Variants in SUGCT observed in about 807,000 individuals in gnomAD.
The protein encoded by SUGCT is succinyl-CoA:glutarate CoA-transferase.
Under a neutral mutation model 55.0 loss-of-function variants are expected in SUGCT, and 41 were observed. That is an observed-to-expected ratio of 0.74 (90% CI 0.58 to 0.97). The LOEUF is 0.97. Ranked by LOEUF, SUGCT falls within the 50% of genes least tolerant of loss-of-function variation. The probability of loss-of-function intolerance (pLI) is 0.00; values close to 1 mark genes in which losing one functional copy is unlikely to be tolerated. For missense variants in SUGCT, 568 were observed against 547.8 expected (o/e 1.04, Z -0.37); for synonymous variants, 187 against 200.4 (o/e 0.93, Z 0.56).
At chr7:40,163,026 G>A (rs1346925320) in intron 1 of SUGCT, among the ~76,000 whole-genome samples, 4 of 152,174 alleles carry the variant, frequency 2.6e-5, no homozygotes, top group African/African-American at 9.7e-5. Context: ...TACACTATTT[G>A]AAATTTGTGG....
At chr7:40,599,725 AC>A (rs1276995570) in intron 12 of SUGCT, among the ~76,000 whole-genome samples, 1 of 152,134 alleles carries the variant, frequency 6.6e-6, no homozygotes, top group African/African-American at 2.4e-5. Context: ...CTTTCTACCC[AC>A]TGGTGTAACT....
chr7:40,587,891 T>G (rs1188303093), intron 12 of SUGCT, among the ~76,000 whole-genome samples: 2 of 151,538 alleles, frequency 1.3e-5, no homozygotes, highest in African/African-American at 4.9e-5. Flanking sequence ...TTTCTTTTTC[T>G]TCTTTCTTTC....
In SUGCT at chr7:40,616,023, A is replaced by G. The variant is rs147007880; in HGVS notation, c.1089+119637A>G. Among the ~76,000 whole-genome samples, 726 of 152,302 alleles carry G rather than the reference A, an allele frequency of 4.8e-3. 5 individuals carry two copies. The highest frequency in any genetic ancestry group is 6.6e-3 in the Non-Finnish European group (449 of 68,026). On this transcript the variant is annotated intron_variant, in intron 12 of 13. Transcript: ENST00000335693. Reference sequence around the variant, plus strand: ...TGTTTCTTTTCCCTCAGAGGTCTCTATATTTTTTATTTCAGGATCACTACC... The same window carrying G: ...TGTTTCTTTTCCCTCAGAGGTCTCTGTATTTTTTATTTCAGGATCACTACC...
At chr7:40,962,374 C>T in the SUGCT span, among the ~76,000 whole-genome samples, 1 of 152,020 alleles carries the variant, frequency 6.6e-6, no homozygotes, top group Non-Finnish European at 1.5e-5. Context: ...AAAAGTTCTC[C>T]AAGTCCCCAC....
chr7:40,728,334 C>T (rs1480241868), intron 12 of SUGCT, among the ~76,000 whole-genome samples: 1 of 152,124 alleles, frequency 6.6e-6, no homozygotes, highest in Non-Finnish European at 1.5e-5. Flanking sequence ...GCCTGGCCAA[C>T]ATGGCGAAAC....
chr7:40,263,211 G>A (rs920414600), intron 7 of SUGCT, among the ~76,000 whole-genome samples: 1 of 152,200 alleles, frequency 6.6e-6, no homozygotes, highest in African/African-American at 2.4e-5. Flanking sequence ...CATGAGCCAC[G>A]GTGCCCAGCC....
At position 40,843,722 on chromosome 7, in the gene SUGCT, G is replaced by A. The variant is rs139472167; in HGVS notation, c.1154-16594G>A. 8.3e-4 allele frequency among the ~76,000 whole-genome samples: 127 copies of A among 152,218 alleles called. 2 individuals carry two copies. The highest frequency in any genetic ancestry group is 1.0e-3 in the Admixed American group (16 of 15,294). On this transcript the variant is annotated intron_variant, in intron 13 of 13. Coordinates refer to ENST00000335693, the MANE Select transcript of SUGCT (RefSeq NM_001193313.2). ...AGCCAGAGGGAGCAGTGCAAGAGAGGAAGGCACAGGGTGGCTTGGTGGGAA... is the reference window on the plus strand; with the variant it reads ...AGCCAGAGGGAGCAGTGCAAGAGAGAAAGGCACAGGGTGGCTTGGTGGGAA...
chr7:40,545,461 T>C (rs1794938633), intron 12 of SUGCT, among the ~76,000 whole-genome samples: 2 of 152,164 alleles, frequency 1.3e-5, no homozygotes, highest in South Asian at 4.1e-4. Context: ...GCATTTTTCC[T>C]GGAGTTGACG....
At chr7:40,803,934 A>T (rs554128770) in intron 13 of SUGCT, among the ~76,000 whole-genome samples, 1 of 152,316 alleles carries the variant, frequency 6.6e-6, no homozygotes, top group South Asian at 2.1e-4. Context: ...GAAACGATTT[A>T]TATTACTTTT....
intron 9 of SUGCT, among the ~76,000 whole-genome samples, chr7:40,380,261 G>A (rs954193036): frequency 2.0e-5 from 3 of 152,024 alleles, no homozygotes; most frequent in Non-Finnish European, 4.4e-5. Flanking sequence ...ATGGGAATAG[G>A]GCAAGTTAAA....
intron 12 of SUGCT, among the ~76,000 whole-genome samples, chr7:40,521,785 G>A (rs1014026646): frequency 4.6e-5 from 7 of 152,016 alleles, no homozygotes; most frequent in African/African-American, 1.7e-4. Flanking sequence ...CTGGGATTTT[G>A]TGTCTACTCA....
At chr7:40,542,063 A>G (rs969284531) in intron 12 of SUGCT, among the ~76,000 whole-genome samples, 1 of 152,190 alleles carries the variant, frequency 6.6e-6, no homozygotes, top group Admixed American at 6.5e-5. Context: ...GCAAGGGGCA[A>G]GGATCATTTA....
intron 12 of SUGCT, among the ~76,000 whole-genome samples, chr7:40,616,195 A>C (rs1452502482): frequency 6.6e-6 from 1 of 151,730 alleles, no homozygotes; most frequent in Admixed American, 6.6e-5. Context: ...ATGTTAAAGT[A>C]GTTTTTTTTT....
At chr7:41,018,764 A>G in the SUGCT span, among the ~76,000 whole-genome samples, 1 of 152,248 alleles carries the variant, frequency 6.6e-6, no homozygotes. Flanking sequence ...TACTGCATTA[A>G]CTATTCTGCA....
At chr7:40,773,434 T>C (rs1218699989) in intron 13 of SUGCT, among the ~76,000 whole-genome samples, 1 of 152,168 alleles carries the variant, frequency 6.6e-6, no homozygotes, top group African/African-American at 2.4e-5. Flanking sequence ...CGGCCGTATC[T>C]TTTTATATCA....
intron 9 of SUGCT, among the ~76,000 whole-genome samples, chr7:40,439,633 C>CT (rs1270678002): frequency 2.6e-5 from 4 of 152,130 alleles, no homozygotes; most frequent in African/African-American, 9.7e-5. Context: ...TATGTCAGAA[C>CT]TTCTCTACTC....
intron 12 of SUGCT, among the ~76,000 whole-genome samples, chr7:40,730,378 A>G (rs1194002841): frequency 2.0e-5 from 3 of 152,204 alleles, no homozygotes; most frequent in African/African-American, 7.2e-5. Context: ...AAGTGTTGGG[A>G]TTACAGGTGT....
At chr7:40,412,636 G>A (rs1438691642) in intron 9 of SUGCT, among the ~76,000 whole-genome samples, 8 of 151,896 alleles carry the variant, frequency 5.3e-5, no homozygotes, top group Admixed American at 5.2e-4. Context: ...CAGTTTTGGG[G>A]GGCATTTTGA....
intron 12 of SUGCT, among the ~76,000 whole-genome samples, chr7:40,573,650 T>C (rs935707381): frequency 6.6e-6 from 1 of 152,228 alleles, no homozygotes; most frequent in Non-Finnish European, 1.5e-5. Flanking sequence ...TTAATAGATA[T>C]GTAGAAGTAG....
Sources: gnomAD v4.1 joint callset for allele counts (sites outside exome capture counted in the v4.1 genomes callset) on GRCh38, gnomAD v4.1.1 for gene constraint, MANE v1.5 for transcripts, NCBI Gene and HGNC (gene_info 2026-07-23, HGNC 2026-07-21) for gene names.